The following ALPK2 variants were observed in gnomAD, a reference collection of about 807,000 sequenced individuals.
ALPK2 encodes the protein alpha kinase 2, also known as alpha-protein kinase 2.
Under a neutral mutation model 163.1 loss-of-function variants are expected in ALPK2, and 127 were observed. The observed-to-expected ratio is 0.78, with a 90% CI of 0.67 to 0.90. ALPK2 has a LOEUF of 0.90. Ranked by LOEUF, ALPK2 falls within the 40% of genes least tolerant of loss-of-function variation. The probability of loss-of-function intolerance (pLI) is 0.00; values close to 1 mark genes in which losing one functional copy is unlikely to be tolerated. For synonymous variants in ALPK2, 953 were observed against 959.1 expected, an observed-to-expected ratio of 0.99 and a Z score of 0.12; for missense variants, 2,360 against 2,589.6, an observed-to-expected ratio of 0.91 and a Z score of 1.92.
chr18:58,518,596 T>G (rs2051534332), intron 8 of ALPK2, among the ~76,000 whole-genome samples: 1 of 152,292 alleles, frequency 6.6e-6, no homozygotes, highest in Middle Eastern at 3.4e-3. Context: ...TCTATTTGCC[T>G]AAAATCAGGA....
At chr18:58,590,993 T>G (rs1257916551) in intron 3 of ALPK2, among the ~76,000 whole-genome samples, 1 of 152,132 alleles carries the variant, frequency 6.6e-6, no homozygotes, top group Non-Finnish European at 1.5e-5. Flanking sequence ...GACAGTAGAT[T>G]GGGGGCTGGG....
chr18:58,522,912 T>A (rs953766890), intron 8 of ALPK2, among the ~76,000 whole-genome samples: 5 of 152,066 alleles, frequency 3.3e-5, no homozygotes, highest in African/African-American at 7.2e-5. Context: ...TTTCTCTTTT[T>A]TTTTTCTGAT....
At chr18:58,496,003 G>C (rs999558292) in intron 12 of ALPK2, among the ~76,000 whole-genome samples, 1 of 152,096 alleles carries the variant, frequency 6.6e-6, no homozygotes, top group Non-Finnish European at 1.5e-5. Context: ...AATCCTTCTG[G>C]GGTCCAGAAG....
intron 6 of ALPK2, among the ~76,000 whole-genome samples, chr18:58,528,469 G>A (rs2051595106): frequency 1.3e-5 from 2 of 152,150 alleles, no homozygotes; most frequent in South Asian, 2.1e-4. Context: ...CCAGGAGGTG[G>A]AGGCTGCAGT....
At chr18:58,575,637 C>G in intron 4 of ALPK2, among the ~76,000 whole-genome samples, 1 of 152,176 alleles carries the variant, frequency 6.6e-6, no homozygotes, top group Non-Finnish European at 1.5e-5. Flanking sequence ...GGCCTTGCCT[C>G]TGAGTTGGAT....
At chr18:58,512,645 TGTG>T (rs1250416159) in intron 10 of ALPK2, among the ~76,000 whole-genome samples, 2 of 151,350 alleles carry the variant, frequency 1.3e-5, no homozygotes, top group Non-Finnish European at 2.9e-5. Context: ...TATACGTATG[TGTG>T]GTGTGTGTGT....
chr18:58,524,639 T>C (rs907451097), intron 6 of ALPK2, among the ~76,000 whole-genome samples: 2 of 152,328 alleles, frequency 1.3e-5, no homozygotes, highest in African/African-American at 4.8e-5. Flanking sequence ...TTGGTGGTGA[T>C]GATGACAGTG....
intron 1 of ALPK2, among the ~76,000 whole-genome samples, chr18:58,613,083 C>A (rs1405825922): frequency 6.6e-6 from 1 of 152,182 alleles, no homozygotes; most frequent in Non-Finnish European, 1.5e-5. Flanking sequence ...ATATGAGTGT[C>A]AGTAGCAGCT....
chr18:58,545,070 C>G (rs2051710529), intron 4 of ALPK2: 1 of 152,198 alleles, frequency 6.6e-6, no homozygotes, highest in Non-Finnish European at 1.5e-5. Flanking sequence ...TGCTGCAGCT[C>G]TCATCTTCCA....
At chr18:58,578,733 G>GACACAC (rs71173065) in intron 4 of ALPK2, 81 bp downstream of exon 4, 10,974 of 532,136 alleles carry the variant, frequency 0.021, 219 homozygotes, top group East Asian at 0.089. Flanking sequence ...TAAAGGAAGA[G>GACACAC]ACACACACAC....
At chr18:58,566,235 C>T (rs111977845) in intron 4 of ALPK2, among the ~76,000 whole-genome samples, 1,564 of 152,122 alleles carry the variant, frequency 0.01, 27 homozygotes, top group African/African-American at 0.036. Context: ...ATATCTTTTC[C>T]ATATGGTGGC....
intron 11 of ALPK2, among the ~76,000 whole-genome samples, chr18:58,501,724 G>T (rs2051432243): frequency 6.6e-6 from 1 of 152,084 alleles, no homozygotes; most frequent in Non-Finnish European, 1.5e-5. Context: ...CGGTCTCCAG[G>T]CCTCAGTTTT....
chr18:58,613,061 A>T (rs1335909321), intron 1 of ALPK2, among the ~76,000 whole-genome samples: 1 of 152,186 alleles, frequency 6.6e-6, no homozygotes, highest in Non-Finnish European at 1.5e-5. Context: ...TGCCAAAGGG[A>T]CACCCCTTTC....
intron 1 of ALPK2, among the ~76,000 whole-genome samples, chr18:58,621,566 A>G (rs995508772): frequency 1.3e-5 from 2 of 152,110 alleles, no homozygotes; most frequent in Non-Finnish European, 2.9e-5. Flanking sequence ...CCACTGCACC[A>G]GGCCAATGTG....
At chr18:58,605,946 G>A (rs967415595) in intron 3 of ALPK2, among the ~76,000 whole-genome samples, 2 of 152,242 alleles carry the variant, frequency 1.3e-5, no homozygotes, top group African/African-American at 2.4e-5. Flanking sequence ...ATATGTAGGT[G>A]CCTGAAGAAT....
At position 58,535,620 on chromosome 18, in the gene ALPK2, CCCCTAAGCT is replaced by C; in HGVS notation, c.4558_4566del (p.Ser1520_Gly1522del). 1 of 1,614,216 alleles carries C rather than the reference CCCCTAAGCT, an allele frequency of 6.2e-7. No individual in the cohort carries two copies. Among genetic ancestry groups the C allele is most frequent in the Non-Finnish European group, 8.5e-7 (1 of 1,180,034 alleles). On this transcript the variant is annotated inframe_deletion, in exon 5 of 13. Transcript: ENST00000361673. Reference sequence around the variant, plus strand: ...TTGTCCTTTTTGCTTTGCTCAGCCTCCCCTAAGCTCCCATCACTGCTTTCTTGTATTTGG... The same window carrying C: ...TTGTCCTTTTTGCTTTGCTCAGCCTCCCCATCACTGCTTTCTTGTATTTGG...
At chr18:58,578,738 A>ACACGCGCGCG in intron 4 of ALPK2, 76 bp downstream of exon 4, 1 of 936,582 alleles carries the variant, frequency 1.1e-6, no homozygotes. Context: ...GAAGAGACAC[A>ACACGCGCGCG]CACACACACA....
intron 6 of ALPK2, among the ~76,000 whole-genome samples, chr18:58,528,342 G>A (rs947159176): frequency 1.4e-4 from 21 of 151,996 alleles, no homozygotes; most frequent in African/African-American, 4.8e-4. Context: ...GACCAGCCTG[G>A]GCAATGTGGC....
At position 58,580,026 on chromosome 18, in the gene ALPK2, A is replaced by G. The variant is rs1363766414; in HGVS notation, c.750T>C (p.Asp250=). 1.2e-6 allele frequency: 2 copies of G among 1,614,248 alleles called. No individual in the cohort carries two copies. The highest frequency in any genetic ancestry group is 1.7e-5 in the Admixed American group (1 of 60,038). ...AGCGTAAGCCTTCATCATGAGGACC[A>G]TCATTGTTCAGGTCACCATCCGTGA... ...SKFTDGDLNN[D]GPHDEGLRSS... Residue 250 remains aspartate (D), a synonymous_variant, in exon 4 of 13, where the codon GAT becomes GAC. Transcript: ENST00000361673.
Sources: gnomAD v4.1 joint callset for allele counts (sites outside exome capture counted in the v4.1 genomes callset) on GRCh38, gnomAD v4.1.1 for gene constraint, MANE v1.5 for transcripts, NCBI Gene and HGNC (gene_info 2026-07-23, HGNC 2026-07-21) for gene names.